The following LRP1B variants were observed in gnomAD, a reference collection of about 807,000 sequenced individuals.
The protein encoded by LRP1B is low-density lipoprotein receptor-related protein 1B.
LRP1B carries 217 observed loss-of-function variants against 556.6 expected under a neutral mutation model. The observed-to-expected ratio is 0.39, with a 90% CI of 0.35 to 0.44. The LOEUF (loss-of-function observed/expected upper bound fraction) is 0.44, where lower values mean the gene tolerates loss of function less well. Among genes scored for constraint, LRP1B ranks in the 20% least tolerant of loss-of-function variants. The pLI is 1.00. For missense variants in LRP1B, 5,053 were observed against 5,620.8 expected, an observed-to-expected ratio of 0.90 and a Z score of 3.23; for synonymous variants, 2,047 against 1,865.8, an observed-to-expected ratio of 1.10 and a Z score of -2.50.
intron 60 of LRP1B, among the ~76,000 whole-genome samples, chr2:140,463,257 T>C (rs1388185268): frequency 1.3e-5 from 2 of 152,154 alleles, no homozygotes; most frequent in African/African-American, 4.8e-5. Flanking sequence ...CAGGGTAGGC[T>C]AATCTCCAGA....
chr2:141,893,374 T>C (rs1286737253), intron 1 of LRP1B, among the ~76,000 whole-genome samples: 2 of 152,154 alleles, frequency 1.3e-5, no homozygotes, highest in Non-Finnish European at 2.9e-5. Context: ...CTAATTTTTG[T>C]ATTTTTAGTA....
chr2:141,422,032 C>G (rs1317635567), intron 3 of LRP1B, among the ~76,000 whole-genome samples: 9 of 152,098 alleles, frequency 5.9e-5, no homozygotes, highest in African/African-American at 1.7e-4. Flanking sequence ...TAAATAAGGC[C>G]TGACACATAG....
At chr2:141,724,873 A>G (rs1692970131) in intron 2 of LRP1B, among the ~76,000 whole-genome samples, 1 of 151,964 alleles carries the variant, frequency 6.6e-6, no homozygotes, top group African/African-American at 2.4e-5. Context: ...CCTTATTTTC[A>G]ATTAAAATTA....
At chr2:141,810,503 A>G in intron 1 of LRP1B, 102 bp from the exon 2 acceptor site, 1 of 1,183,004 alleles carries the variant, frequency 8.5e-7, no homozygotes, top group Non-Finnish European at 1.2e-6. Context: ...TAAAAGGTAC[A>G]TGAATATGAT....
intron 1 of LRP1B, among the ~76,000 whole-genome samples, chr2:141,959,146 G>C (rs1368865769): frequency 6.6e-6 from 1 of 151,862 alleles, no homozygotes; most frequent in Non-Finnish European, 1.5e-5. Context: ...TTTGAAGCTG[G>C]CAAGAAACAT....
chr2:140,999,246 G>GATATAGCAGAATTTTTAA (rs1299515413), intron 15 of LRP1B, among the ~76,000 whole-genome samples: 1 of 152,046 alleles, frequency 6.6e-6, no homozygotes, highest in Non-Finnish European at 1.5e-5. Context: ...TATATTAGAA[G>GATATAGCAGAATTTTTAA]ATATAGCAGA....
chr2:141,198,652 C>T (rs993091770), intron 6 of LRP1B, among the ~76,000 whole-genome samples: 2 of 152,058 alleles, frequency 1.3e-5, no homozygotes, highest in Non-Finnish European at 2.9e-5. Context: ...CTCACTTTTA[C>T]ACCATTTCCC....
At chr2:141,768,944 A>G (rs1427554465) in intron 2 of LRP1B, among the ~76,000 whole-genome samples, 2 of 151,820 alleles carry the variant, frequency 1.3e-5, no homozygotes, top group Non-Finnish European at 2.9e-5. Context: ...TTATCTTTCT[A>G]TTTATCTATC....
At chr2:140,298,247 C>T (rs901860180) in intron 83 of LRP1B, among the ~76,000 whole-genome samples, 2 of 152,032 alleles carry the variant, frequency 1.3e-5, no homozygotes, top group African/African-American at 4.8e-5. Context: ...ATATTGTTTG[C>T]TTAAAGTACT....
chr2:141,741,020 G>A (rs1693679594), intron 2 of LRP1B, among the ~76,000 whole-genome samples: 1 of 152,108 alleles, frequency 6.6e-6, no homozygotes, highest in African/African-American at 2.4e-5. Flanking sequence ...AAAATGTGAA[G>A]CTTGTCTTTT....
At chr2:140,740,826 ATCT>A (rs1002510163) in intron 35 of LRP1B, among the ~76,000 whole-genome samples, 2 of 151,934 alleles carry the variant, frequency 1.3e-5, no homozygotes, top group Non-Finnish European at 2.9e-5. Context: ...CTGTGTACTA[ATCT>A]TCTCTTCTTA....
chr2:141,194,412 C>G (rs907121154), intron 6 of LRP1B, among the ~76,000 whole-genome samples: 11 of 152,018 alleles, frequency 7.2e-5, no homozygotes, highest in Non-Finnish European at 1.5e-4. Context: ...TGTGGCAAAT[C>G]TAGATGATGG....
chr2:141,986,758 G>T (rs1230849853), intron 1 of LRP1B, among the ~76,000 whole-genome samples: 1 of 151,896 alleles, frequency 6.6e-6, no homozygotes, highest in Non-Finnish European at 1.5e-5. Context: ...AGTTCTTTCT[G>T]CATCTAGTTC....
chr2:141,384,993 C>T lies in LRP1B; in HGVS notation c.343+95403G>A, dbSNP rs374304215. On this transcript the variant is annotated intron_variant, in intron 3 of 90. Transcript: ENST00000389484. The stretch of plus-strand genomic sequence containing the variant: ...CCAACGCTCTGGTCCCCTGGACCCG[C>T]CTTTTAAACCCTTATCCTGTGTCTT... Among the ~76,000 whole-genome samples, 8 of 152,272 alleles carry T rather than the reference C, an allele frequency of 5.3e-5. 1 individual carries two copies. The highest frequency in any genetic ancestry group is 1.9e-4 in the African/African-American group (8 of 41,568).
At chr2:141,085,765 C>G (rs1410648607) in intron 7 of LRP1B, among the ~76,000 whole-genome samples, 1 of 152,158 alleles carries the variant, frequency 6.6e-6, no homozygotes, top group Non-Finnish European at 1.5e-5. Context: ...GCCTAATATA[C>G]AGTCTATGCT....
chr2:142,053,499 CAT>C lies in LRP1B; in HGVS notation c.82+77147_82+77148del, dbSNP rs547633451. ...TTATATACATATATATATATACACA[CAT>C]GTAAAGATTATAGATATAAATCTAT... On this transcript the variant is annotated intron_variant, in intron 1 of 90. Coordinates refer to ENST00000389484, the MANE Select transcript of LRP1B (RefSeq NM_018557.3). Among the ~76,000 whole-genome samples, 90 of 152,014 alleles carry C rather than the reference CAT, an allele frequency of 5.9e-4. 1 individual carries two copies. The highest frequency in any genetic ancestry group is 9.7e-4 in the East Asian group (5 of 5,160).
intron 35 of LRP1B, among the ~76,000 whole-genome samples, chr2:140,741,407 C>T (rs1573649290): frequency 1.3e-5 from 2 of 151,862 alleles, no homozygotes; most frequent in South Asian, 2.1e-4. Flanking sequence ...GCCAACATGA[C>T]TCTGAAGATG....
chr2:141,740,759 T>C (rs1693666045), intron 2 of LRP1B, among the ~76,000 whole-genome samples: 1 of 152,216 alleles, frequency 6.6e-6, no homozygotes, highest in Non-Finnish European at 1.5e-5. Flanking sequence ...TCTGTTAACA[T>C]AGATACCATG....
chr2:140,268,041 A>T (rs1396466770), intron 86 of LRP1B, among the ~76,000 whole-genome samples: 1 of 151,842 alleles, frequency 6.6e-6, no homozygotes, highest in Non-Finnish European at 1.5e-5. Flanking sequence ...AGACCTATTT[A>T]TGGGTGGGAA....
Sources: allele counts gnomAD v4.1 joint callset (sites outside exome capture counted in the v4.1 genomes callset), GRCh38; gene constraint gnomAD v4.1.1; transcripts MANE v1.5; gene names NCBI Gene and HGNC (gene_info 2026-07-23, HGNC 2026-07-21).